S100A9: variants seen among roughly 807,000 people sequenced by gnomAD.
The protein encoded by S100A9 is S100 calcium binding protein A9, also known as protein S100-A9.
S100A9 carries 2 observed loss-of-function variants against 4.3 expected under a neutral mutation model. The observed-to-expected ratio is 0.47, with a 90% CI of 0.19 to 1.48. The LOEUF (loss-of-function observed/expected upper bound fraction) is 1.48, where lower values mean the gene tolerates loss of function less well. Ranked by LOEUF, S100A9 falls within the 40% of genes most tolerant of loss-of-function variation. The pLI is 0.24. For synonymous variants in S100A9, 67 were observed against 54.0 expected (o/e 1.24, Z -1.06); for missense variants, 130 against 144.4 (o/e 0.90, Z 0.51).
At position 153,360,728 on chromosome 1, in the gene S100A9, T is replaced by C. The variant is rs772074088; in HGVS notation, c.235T>C (p.Phe79Leu). The part of the protein sequence containing the change: ...NADKQLSFEE[F>L]IMLMARLTWA... Reference sequence around the variant, plus strand: ...AGACAAGCAGCTGAGCTTCGAGGAGTTCATCATGCTGATGGCGAGGCTAAC... The same window carrying C: ...AGACAAGCAGCTGAGCTTCGAGGAGCTCATCATGCTGATGGCGAGGCTAAC... The change falls in exon 3 of 3, where the codon TTC (phenylalanine) becomes CTC (leucine). Residue 79 changes from phenylalanine to leucine, a missense_variant. Physicochemically the swap from Phe to Leu is conservative, Grantham distance 22 (BLOSUM62 0). Transcript: ENST00000368738. 2 of 1,613,468 alleles carry C rather than the reference T, an allele frequency of 1.2e-6. No homozygotes were observed. Among genetic ancestry groups the C allele is most frequent in the Non-Finnish European group, 1.7e-6 (2 of 1,179,766 alleles).
In S100A9 at chr1:153,358,411, A is replaced by C; in HGVS notation, c.128A>C (p.Lys43Thr). The part of the protein sequence containing the change: ...NQGEFKELVR[K>T]DLQNFLKKEN... ...GGGGAATTCAAAGAGCTGGTGCGAA[A>C]AGATCTGCAAAATTTTCTCAAGGTA... is the stretch of plus-strand genomic sequence containing the variant. Residue 43 changes from lysine (K) to threonine (T), a missense_variant, in exon 2 of 3, where the codon AAA becomes ACA. Lys to Thr is a moderately conservative substitution (Grantham distance 78). Transcript: ENST00000368738. 2 of 1,610,704 alleles carry C rather than the reference A, an allele frequency of 1.2e-6. No individual in the cohort carries two copies. The highest frequency in any genetic ancestry group is 1.7e-6 in the Non-Finnish European group (2 of 1,178,156).
At position 153,358,261 on chromosome 1, in the gene S100A9, T is replaced by C. The variant is rs775692646; in HGVS notation, c.-15-8T>C. 3 of 1,533,644 alleles carry C rather than the reference T, an allele frequency of 2.0e-6. No individual in the cohort carries two copies. In the East Asian group the frequency reaches 6.9e-5, roughly 35 times the overall value. On this transcript the variant is annotated splice_polypyrimidine_tract_variant and splice_region_variant and intron_variant, in intron 1 of 2. Transcript: ENST00000368738. The stretch of plus-strand genomic sequence containing the variant: ...AAGTGTCCCAACTCTTGGTTTTCCA[T>C]TACACAGACAGAGTGCAAGACGATG...
intron 2 of S100A9, among the ~76,000 whole-genome samples, chr1:153,359,273 G>A (rs1045990280): frequency 2.0e-5 from 3 of 152,072 alleles, no homozygotes; most frequent in Non-Finnish European, 4.4e-5. Flanking sequence ...CCCTCCCAGT[G>A]CCCCTCCCTC....
intron 2 of S100A9, 79 bp downstream of exon 2, chr1:153,358,512 A>C: frequency 8.5e-7 from 1 of 1,182,552 alleles, no homozygotes; most frequent in Non-Finnish European, 1.2e-6. Flanking sequence ...TATGGGCTAC[A>C]GCAATCAAGG....
chr1:153,360,617 C>T, intron 2 of S100A9, 27 bp from the exon 3 acceptor site: 1 of 1,551,926 alleles, frequency 6.4e-7, no homozygotes, highest in Non-Finnish European at 8.8e-7. Context: ...ACACCCAGCT[C>T]TCACAGCCTT....
Position 153,360,492 on chromosome 1 carries a change from T to C in S100A9, c.151-152T>C, listed in dbSNP as rs1289069905. 14 of 585,762 alleles carry C rather than the reference T, an allele frequency of 2.4e-5. No individual in the cohort carries two copies. In the Admixed American group the frequency reaches 4.4e-4, roughly 18 times the overall value. 36.3% of individuals were successfully genotyped at this position (585,762 alleles called of 1,614,324 possible). A position where few individuals can be genotyped will look rare whatever the true frequency, so the allele number is the denominator to read the frequency against. On this transcript the variant is annotated intron_variant, in intron 2 of 2. Coordinates refer to ENST00000368738, the MANE Select transcript of S100A9 (RefSeq NM_002965.4). Reference sequence around the variant, plus strand: ...GGTATGTGCTCAGTGTCTGCTCCATTGTGCGCACTCAGCCTATGGTCATTT... The same window carrying C: ...GGTATGTGCTCAGTGTCTGCTCCATCGTGCGCACTCAGCCTATGGTCATTT...
At chr1:153,359,281 C>A (rs1323460002) in intron 2 of S100A9, among the ~76,000 whole-genome samples, 1 of 152,088 alleles carries the variant, frequency 6.6e-6, no homozygotes. Context: ...GTGCCCCTCC[C>A]TCCGCCTTGG....
rs768744274 is a variant in S100A9, at chr1:153,358,280, G to A, written c.-4G>A. On this transcript the variant is annotated 5_prime_UTR_variant, in exon 2 of 3. Coordinates refer to ENST00000368738, the MANE Select transcript of S100A9 (RefSeq NM_002965.4). ...TTTCCATTACACAGACAGAGTGCAA[G>A]ACGATGACTTGCAAAATGTCGCAGC... The A allele has an allele frequency of 1.9e-6, 3 of 1,590,764 alleles. No individual in the cohort carries two copies. The Admixed American group carries it at 5.2e-5, about 27-fold the overall frequency.
At position 153,360,871 on chromosome 1, in the gene S100A9, C is replaced by T. The variant is rs1224083194; in HGVS notation, c.*33C>T. The T allele has an allele frequency of 6.7e-7, 1 of 1,491,788 alleles. No individual in the cohort carries two copies. The highest frequency in any genetic ancestry group is 9.1e-7 in the Non-Finnish European group (1 of 1,104,968). 92.4% of individuals were successfully genotyped at this position (1,491,788 alleles called of 1,614,324 possible). ...GTGGCCAAGATCACAGTGGCCACGG[C>T]CACGGCCACAGTCATGGTGGCCACG... On this transcript the variant is annotated 3_prime_UTR_variant, in exon 3 of 3. Coordinates refer to ENST00000368738, the MANE Select transcript of S100A9 (RefSeq NM_002965.4).
chr1:153,360,553 C>T, intron 2 of S100A9, 91 bp from the exon 3 acceptor site: 1 of 844,798 alleles, frequency 1.2e-6, no homozygotes, highest in South Asian at 1.6e-5. Context: ...TGAGGCTTCC[C>T]TTGTACATTT....
chr1:153,358,578 C>G, intron 2 of S100A9, 145 bp downstream of exon 2: 2 of 649,834 alleles, frequency 3.1e-6, no homozygotes, highest in Non-Finnish European at 5.3e-6. Flanking sequence ...TCCTGTTATA[C>G]AGGGCAGGTG....
intron 2 of S100A9, 129 bp downstream of exon 2, chr1:153,358,562 C>T (rs915117439): frequency 2.1e-5 from 15 of 723,076 alleles, no homozygotes; most frequent in Admixed American, 3.1e-5. Context: ...CAAGACGCAG[C>T]GAGTGTCCTG....
At position 153,359,680 on chromosome 1, in the gene S100A9, CTTTTTTTTTT is replaced by C. The variant is rs34039196; in HGVS notation, c.151-948_151-939del. ...TCTTCCACCTCCCCTGATGTCTCTCCTTTTTTTTTTTTTTTTTTTTTTTTTGAGACAGAGT... is the reference window on the plus strand; with the variant it reads ...TCTTCCACCTCCCCTGATGTCTCTCCTTTTTTTTTTTTTTTGAGACAGAGT... On this transcript the variant is annotated intron_variant, in intron 2 of 2. Coordinates refer to ENST00000368738, the MANE Select transcript of S100A9 (RefSeq NM_002965.4). 2.4e-5 allele frequency among the ~76,000 whole-genome samples: 2 copies of C among 83,916 alleles called. 1 individual carries two copies. The highest frequency in any genetic ancestry group is 4.6e-5 in the Non-Finnish European group (2 of 43,460). 55.1% of individuals were successfully genotyped at this position (83,916 alleles called of 152,430 possible).
Position 153,360,789 on chromosome 1 carries a change from A to C in S100A9, c.296A>C (p.Glu99Ala), listed in dbSNP as rs1289024994. The change falls in exon 3 of 3, where the codon GAG becomes GCG. Residue 99 changes from glutamate to alanine, a missense_variant. Coordinates refer to ENST00000368738, the MANE Select transcript of S100A9 (RefSeq NM_002965.4). ...CACGAGAAGATGCACGAGGGTGACGAGGGCCCTGGCCACCACCATAAGCCA... is the reference window on the plus strand; with the variant it reads ...CACGAGAAGATGCACGAGGGTGACGCGGGCCCTGGCCACCACCATAAGCCA... The part of the protein sequence containing the change: ...ASHEKMHEGD[E>A]GPGHHHKPGL... The C allele has an allele frequency of 6.2e-7, 1 of 1,613,846 alleles. No individual in the cohort carries two copies. The highest frequency in any genetic ancestry group is 1.1e-5 in the South Asian group (1 of 91,014).
At chr1:153,359,108 T>C in intron 2 of S100A9, among the ~76,000 whole-genome samples, 1 of 152,174 alleles carries the variant, frequency 6.6e-6, no homozygotes, top group East Asian at 1.9e-4. Flanking sequence ...TAGGCAGTTC[T>C]AAGAAAAAGG....
Position 153,358,318 on chromosome 1 carries a change from T to C in S100A9, c.35T>C (p.Ile12Thr), listed in dbSNP as rs1422147353. Reference sequence around the variant, plus strand: ...AAAATGTCGCAGCTGGAACGCAACATAGAGACCATCATCAACACCTTCCAC... The same window carrying C: ...AAAATGTCGCAGCTGGAACGCAACACAGAGACCATCATCAACACCTTCCAC... ...TCKMSQLERNIETIINTFHQY... is the reference protein window; with the variant it reads ...TCKMSQLERNTETIINTFHQY... Residue 12 changes from isoleucine to threonine, a missense_variant, in exon 2 of 3, where the codon ATA becomes ACA. Coordinates refer to ENST00000368738, the MANE Select transcript of S100A9 (RefSeq NM_002965.4). 6.2e-7 allele frequency: 1 copy of C among 1,611,936 alleles called. No individual in the cohort carries two copies. The highest frequency in any genetic ancestry group is 1.3e-5 in the African/African-American group (1 of 74,886).
rs772766164 is a variant in S100A9, at chr1:153,360,776, C to T, written c.283C>T (p.His95Tyr). The T allele has an allele frequency of 9.3e-6, 15 of 1,613,938 alleles. No homozygotes were observed. The highest frequency in any genetic ancestry group is 1.3e-5 in the Non-Finnish European group (15 of 1,179,968). ...AACCTGGGCCTCCCACGAGAAGATG[C>T]ACGAGGGTGACGAGGGCCCTGGCCA... The part of the protein sequence containing the change: ...RLTWASHEKM[H>Y]EGDEGPGHHH... Residue 95 changes from histidine (H) to tyrosine (Y), a missense_variant, in exon 3 of 3, where the codon CAC becomes TAC. Transcript: ENST00000368738.
At position 153,358,320 on chromosome 1, in the gene S100A9, G is replaced by C; in HGVS notation, c.37G>C (p.Glu13Gln). Residue 13 changes from glutamate (E) to glutamine (Q), a missense_variant, in exon 2 of 3, where the codon GAG (glutamate) becomes CAG (glutamine). Transcript: ENST00000368738. ...CKMSQLERNI[E>Q]TIINTFHQYS... ...AATGTCGCAGCTGGAACGCAACATA[G>C]AGACCATCATCAACACCTTCCACCA... The C allele has an allele frequency of 6.2e-7, 1 of 1,612,104 alleles. No individual in the cohort carries two copies. Among genetic ancestry groups the C allele is most frequent in the Non-Finnish European group, 8.5e-7 (1 of 1,178,542 alleles).
At chr1:153,358,608 A>T (rs749450862) in intron 2 of S100A9, among the ~76,000 whole-genome samples, 175 bp downstream of exon 2, 2 of 152,206 alleles carry the variant, frequency 1.3e-5, no homozygotes, top group Non-Finnish European at 2.9e-5. Flanking sequence ...ACACAGGACG[A>T]CAGGGTCAAG....
Sources: gnomAD v4.1 joint callset for allele counts (sites outside exome capture counted in the v4.1 genomes callset) on GRCh38, gnomAD v4.1.1 for gene constraint, MANE v1.5 for transcripts, NCBI Gene and HGNC (gene_info 2026-07-23, HGNC 2026-07-21) for gene names.